MYO5B: variants seen among roughly 807,000 people sequenced by gnomAD.
MYO5B encodes myosin VB, also known as unconventional myosin-Vb.
MYO5B carries 143 observed loss-of-function variants against 229.3 expected under a neutral mutation model. That is an observed-to-expected ratio of 0.62 (90% CI 0.54 to 0.72). MYO5B has a LOEUF of 0.72. Ranked by LOEUF, MYO5B falls within the 30% of genes least tolerant of loss-of-function variation. The probability of loss-of-function intolerance (pLI) is 0.00; values close to 1 mark genes in which losing one functional copy is unlikely to be tolerated. For missense variants in MYO5B, 2,321 were observed against 2,331.0 expected (o/e 1.00, Z 0.09); for synonymous variants, 918 against 885.2 (o/e 1.04, Z -0.66).
intron 10 of MYO5B, chr18:49,970,118 T>TCAGG (rs1217089515): frequency 2.0e-4 from 31 of 152,352 alleles, no homozygotes; most frequent in African/African-American, 7.0e-4. Flanking sequence ...CTGCAATTAA[T>TCAGG]CAGGCCTAGA....
chr18:49,934,141 A>T (rs965308600), intron 16 of MYO5B, among the ~76,000 whole-genome samples: 10 of 152,208 alleles, frequency 6.6e-5, no homozygotes, highest in Admixed American at 6.5e-4. Flanking sequence ...CTCTCAAAGC[A>T]CTGCCATTAC....
chr18:50,183,023 A>G (rs913130507), intron 1 of MYO5B, among the ~76,000 whole-genome samples: 1 of 152,152 alleles, frequency 6.6e-6, no homozygotes, highest in African/African-American at 2.4e-5. Flanking sequence ...CAAAACAAAG[A>G]GTAATGAAAC....
At chr18:50,137,192 C>T (rs1451726104) in intron 1 of MYO5B, among the ~76,000 whole-genome samples, 1 of 152,246 alleles carries the variant, frequency 6.6e-6, no homozygotes, top group Admixed American at 6.5e-5. Flanking sequence ...CTCTGCAGAC[C>T]TGCATACCAA....
At chr18:50,036,607 CA>C (rs1478503861) in intron 4 of MYO5B, among the ~76,000 whole-genome samples, 2 of 151,946 alleles carry the variant, frequency 1.3e-5, no homozygotes, top group African/African-American at 4.8e-5. Context: ...TTCCATTGCT[CA>C]AAAAAATGAA....
chr18:49,827,570 A>G (rs936533237), intron 39 of MYO5B, among the ~76,000 whole-genome samples: 2 of 152,204 alleles, frequency 1.3e-5, no homozygotes, highest in Non-Finnish European at 2.9e-5. Flanking sequence ...CGCAGACTTG[A>G]GCAGGCAGAA....
At chr18:49,904,623 A>C in intron 20 of MYO5B, 49 bp downstream of exon 20, 1 of 1,612,604 alleles carries the variant, frequency 6.2e-7, no homozygotes, top group Non-Finnish European at 8.5e-7. Flanking sequence ...ATCTGTTGCC[A>C]CTTTAGTTCT....
At chr18:49,998,319 C>T (rs960435605) in intron 5 of MYO5B, among the ~76,000 whole-genome samples, 1 of 152,132 alleles carries the variant, frequency 6.6e-6, no homozygotes, top group Non-Finnish European at 1.5e-5. Context: ...ATGTTTTGAG[C>T]TCAAACCACT....
chr18:50,092,368 G>T (rs529837783), intron 1 of MYO5B, among the ~76,000 whole-genome samples: 4 of 152,290 alleles, frequency 2.6e-5, no homozygotes, highest in Admixed American at 6.5e-5. Flanking sequence ...GAGCACAGGG[G>T]ATTACAAAAG....
intron 26 of MYO5B, among the ~76,000 whole-genome samples, chr18:49,875,449 C>T (rs2024508089): frequency 6.6e-6 from 1 of 152,118 alleles, no homozygotes; most frequent in African/African-American, 2.4e-5. Context: ...CCACAGACTT[C>T]CCCCTAGCTT....
chr18:49,843,225 T>C lies in MYO5B; in HGVS notation c.4611+16A>G. 6.2e-7 allele frequency: 1 copy of C among 1,613,480 alleles called. No individual in the cohort carries two copies. The highest frequency in any genetic ancestry group is 8.5e-7 in the Non-Finnish European group (1 of 1,180,006). ...CTACCCACCACAAACCATGACCTTC[T>C]GCAGGGGCTGCTTACTTTCAGGACT... On this transcript the variant is annotated intron_variant, in intron 34 of 39. Coordinates refer to ENST00000285039, the MANE Select transcript of MYO5B (RefSeq NM_001080467.3).
chr18:50,073,076 G>A (rs1403706428), intron 1 of MYO5B, among the ~76,000 whole-genome samples: 1 of 152,206 alleles, frequency 6.6e-6, no homozygotes, highest in African/African-American at 2.4e-5. Context: ...TCACACAGGA[G>A]AAGCCAGAAG....
At chr18:50,008,448 C>T (rs2026126783) in intron 4 of MYO5B, among the ~76,000 whole-genome samples, 1 of 152,160 alleles carries the variant, frequency 6.6e-6, no homozygotes, top group South Asian at 2.1e-4. Context: ...CATCTGGAGC[C>T]CCCTTCGAGT....
chr18:50,192,467 G>A (rs1173932673), intron 1 of MYO5B, among the ~76,000 whole-genome samples: 1 of 152,176 alleles, frequency 6.6e-6, no homozygotes, highest in Non-Finnish European at 1.5e-5. Context: ...CATTTTGGGG[G>A]AATGCTCAAG....
chr18:49,902,543 G>T (rs748646099), intron 21 of MYO5B, 51 bp downstream of exon 21: 2 of 1,601,534 alleles, frequency 1.2e-6, no homozygotes. Context: ...CTCTCAAAAT[G>T]CTCCAGTACC....
intron 4 of MYO5B, among the ~76,000 whole-genome samples, chr18:50,025,776 C>G (rs189678573): frequency 1.1e-3 from 161 of 152,300 alleles, no homozygotes; most frequent in African/African-American, 3.7e-3. Context: ...AGGACCCCAG[C>G]AGGGGCCCGT....
At chr18:50,008,436 A>G (rs768122941) in intron 4 of MYO5B, among the ~76,000 whole-genome samples, 15 of 152,184 alleles carry the variant, frequency 9.9e-5, no homozygotes, top group Non-Finnish European at 2.2e-4. Flanking sequence ...GGCTGAGCAC[A>G]CCATCTGGAG....
intron 1 of MYO5B, among the ~76,000 whole-genome samples, chr18:50,070,493 G>T (rs1568094665): frequency 6.6e-6 from 1 of 151,928 alleles, no homozygotes; most frequent in Non-Finnish European, 1.5e-5. Flanking sequence ...GGGTTGGGGA[G>T]AGGGTCCTAC....
intron 29 of MYO5B, among the ~76,000 whole-genome samples, chr18:49,859,211 C>G (rs182042231): frequency 1.3e-5 from 2 of 152,184 alleles, no homozygotes; most frequent in African/African-American, 2.4e-5. Context: ...TCTTTCTTTA[C>G]GGGTAAAGTG....
At chr18:50,146,014 T>C (rs1285409648) in intron 1 of MYO5B, among the ~76,000 whole-genome samples, 2 of 152,230 alleles carry the variant, frequency 1.3e-5, no homozygotes, top group African/African-American at 4.8e-5. Context: ...CTTCCCAATA[T>C]ACAAATTACT....
Sources: allele counts gnomAD v4.1 joint callset (sites outside exome capture counted in the v4.1 genomes callset), GRCh38; gene constraint gnomAD v4.1.1; transcripts MANE v1.5; gene names NCBI Gene and HGNC (gene_info 2026-07-23, HGNC 2026-07-21).